The following ULK4 variants were observed in gnomAD, a reference collection of about 807,000 sequenced individuals.
ULK4 encodes inactive serine/threonine-protein kinase ULK4.
In ULK4, 133 loss-of-function variants were observed where a neutral mutation model predicts 160.6. The ratio of observed to expected loss-of-function variants is 0.83; its 90% CI spans 0.72 to 0.96. The LOEUF is 0.96. Among genes scored for constraint, ULK4 ranks in the 40% least tolerant of loss-of-function variants. ULK4 has a pLI of 0.00. For missense variants in ULK4, 1,580 were observed against 1,499.5 expected (o/e 1.05, Z -0.89); for synonymous variants, 534 against 539.8 (o/e 0.99, Z 0.15).
chr3:41,438,582 T>C (rs953428466), intron 34 of ULK4, among the ~76,000 whole-genome samples: 3 of 151,978 alleles, frequency 2.0e-5, no homozygotes, highest in Non-Finnish European at 2.9e-5. Context: ...TACCAAGAAA[T>C]AGGATCTTCA....
At chr3:41,279,985 A>T (rs183749125) in intron 35 of ULK4, among the ~76,000 whole-genome samples, 123 of 152,224 alleles carry the variant, frequency 8.1e-4, no homozygotes, top group African/African-American at 2.9e-3. Context: ...AACAAAACAA[A>T]ACTAAAAAAC....
intron 25 of ULK4, among the ~76,000 whole-genome samples, chr3:41,707,426 A>G (rs1396704623): frequency 1.3e-5 from 2 of 152,184 alleles, no homozygotes; most frequent in Non-Finnish European, 2.9e-5. Context: ...GTGAAGAGAC[A>G]ACTTACGGAA....
Position 41,754,437 on chromosome 3 carries a change from T to C in ULK4, c.2245A>G (p.Arg749Gly). The change falls in exon 22 of 37, where the codon AGA becomes GGA. Residue 749 changes from arginine to glycine, a missense_variant. Transcript: ENST00000301831. ...RLLDSPSTCI[R>G]AKAFLVLLYI... is the part of the protein sequence containing the mutation. Reference sequence around the variant, plus strand: ...AGAAGAACCAGGAAGGCTTTTGCTCTAATGCATGTTGAGGGGCTGTCAAGT... The same window carrying C: ...AGAAGAACCAGGAAGGCTTTTGCTCCAATGCATGTTGAGGGGCTGTCAAGT... 1.2e-6 allele frequency: 2 copies of C among 1,613,894 alleles called. No individual in the cohort carries two copies. Among genetic ancestry groups the C allele is most frequent in the Non-Finnish European group, 1.7e-6 (2 of 1,179,896 alleles).
intron 35 of ULK4, 139 bp from the exon 36 acceptor site, chr3:41,249,713 T>G (rs1466951708): frequency 1.2e-6 from 1 of 808,074 alleles, no homozygotes; most frequent in East Asian, 2.7e-5. Context: ...TGGGCTTGTC[T>G]GTAACCCCCA....
intron 27 of ULK4, among the ~76,000 whole-genome samples, 196 bp downstream of exon 27, chr3:41,704,861 T>C (rs1308361457): frequency 1.3e-5 from 2 of 151,934 alleles, no homozygotes; most frequent in Non-Finnish European, 2.9e-5. Context: ...GGAAAGAGAA[T>C]AATAAAGAAA....
chr3:41,506,767 A>AAAAAAAAAAATATATATATAT, intron 32 of ULK4, among the ~76,000 whole-genome samples: 1 of 56,766 alleles, frequency 1.8e-5, no homozygotes, highest in African/African-American at 8.2e-5. Context: ...TGTGATTTAA[A>AAAAAAAAAAATATATATATAT]ATATATATAT....
intron 21 of ULK4, among the ~76,000 whole-genome samples, chr3:41,758,167 C>A (rs1435415390): frequency 1.3e-5 from 2 of 152,098 alleles, no homozygotes; most frequent in African/African-American, 4.8e-5. Context: ...AATGGGCCCA[C>A]AATAGACACC....
At chr3:41,356,634 GT>G (rs1297596173) in intron 35 of ULK4, among the ~76,000 whole-genome samples, 1 of 152,064 alleles carries the variant, frequency 6.6e-6, no homozygotes, top group African/African-American at 2.4e-5. Context: ...GTAATGCTTT[GT>G]TTTCTCTAAA....
intron 35 of ULK4, among the ~76,000 whole-genome samples, chr3:41,331,842 G>A (rs2080448547): frequency 6.6e-6 from 1 of 152,006 alleles, no homozygotes; most frequent in South Asian, 2.1e-4. Flanking sequence ...TTCTTCCTTG[G>A]TGCCTTATAA....
chr3:41,272,704 C>G (rs2079159100), intron 35 of ULK4, among the ~76,000 whole-genome samples: 1 of 151,854 alleles, frequency 6.6e-6, no homozygotes, highest in South Asian at 2.1e-4. Context: ...TTTTGCTACT[C>G]TCTTCCATTC....
At chr3:41,901,262 CT>C (rs1477349497) in intron 12 of ULK4, among the ~76,000 whole-genome samples, 3 of 148,356 alleles carry the variant, frequency 2.0e-5, no homozygotes, top group Admixed American at 6.8e-5. Context: ...TCACTACAAG[CT>C]CTGCCTCCCG....
chr3:41,261,081 A>AG (rs1378422167), intron 35 of ULK4, among the ~76,000 whole-genome samples: 1 of 152,102 alleles, frequency 6.6e-6, no homozygotes, highest in East Asian at 1.9e-4. Flanking sequence ...CGGGTAGGAG[A>AG]GGGGAGTACA....
chr3:41,486,573 T>C (rs1477473313), intron 32 of ULK4, among the ~76,000 whole-genome samples: 3 of 152,056 alleles, frequency 2.0e-5, no homozygotes, highest in East Asian at 3.9e-4. Context: ...GGAGGAAGCA[T>C]GGAGGTAGAT....
chr3:41,823,958 T>A (rs1261669438), intron 18 of ULK4, among the ~76,000 whole-genome samples: 1 of 151,152 alleles, frequency 6.6e-6, no homozygotes, highest in African/African-American at 2.4e-5. Flanking sequence ...AGGTCAGGAG[T>A]TCAAGACCAG....
chr3:41,660,924 T>C (rs979669212), intron 30 of ULK4, among the ~76,000 whole-genome samples: 43 of 152,216 alleles, frequency 2.8e-4, no homozygotes, highest in African/African-American at 1.0e-3. Context: ...ATATTCAAAC[T>C]GTATCTTGCC....
At chr3:41,747,557 C>A (rs377616457) in intron 22 of ULK4, among the ~76,000 whole-genome samples, 2 of 152,174 alleles carry the variant, frequency 1.3e-5, no homozygotes, top group South Asian at 4.1e-4. Flanking sequence ...TCTGTTCCCC[C>A]CAAAATTCAT....
At chr3:41,867,940 CTT>C (rs142753500) in intron 17 of ULK4, among the ~76,000 whole-genome samples, 8,460 of 152,182 alleles carry the variant, frequency 0.056, 422 homozygotes, top group East Asian at 0.16. Context: ...TAGATTTCCT[CTT>C]GTTAGACATT....
At chr3:41,890,757 GAC>G (rs1473363875) in intron 16 of ULK4, among the ~76,000 whole-genome samples, 1 of 29,152 alleles carries the variant, frequency 3.4e-5, no homozygotes, top group Non-Finnish European at 7.2e-5. Flanking sequence ...GGACGGGAGG[GAC>G]GGGAGGGACG....
At chr3:41,607,875 T>C (rs1458704079) in intron 31 of ULK4, among the ~76,000 whole-genome samples, 1 of 152,146 alleles carries the variant, frequency 6.6e-6, no homozygotes, top group African/African-American at 2.4e-5. Context: ...TAAAGACAGA[T>C]ACAAACTAAT....
Sources: allele counts gnomAD v4.1 joint callset (sites outside exome capture counted in the v4.1 genomes callset), GRCh38; gene constraint gnomAD v4.1.1; transcripts MANE v1.5; gene names NCBI Gene and HGNC (gene_info 2026-07-23, HGNC 2026-07-21).